MIPOL1: variants seen among roughly 807,000 people sequenced by gnomAD.
MIPOL1 encodes the protein mirror-image polydactyly gene 1 protein.
MIPOL1 carries 57 observed loss-of-function variants against 60.9 expected under a neutral mutation model. The observed-to-expected ratio is 0.94, with a 90% CI of 0.76 to 1.17. The LOEUF (loss-of-function observed/expected upper bound fraction) is 1.17. Among genes scored for constraint, MIPOL1 ranks in the 50% most tolerant of loss-of-function variants. MIPOL1 has a pLI of 0.00. For synonymous variants in MIPOL1, 179 were observed against 168.8 expected (o/e 1.06, Z -0.47); for missense variants, 551 against 511.6 (o/e 1.08, Z -0.74).
intron 7 of MIPOL1, among the ~76,000 whole-genome samples, chr14:37,304,942 A>T (rs1448422023): frequency 6.6e-6 from 1 of 151,830 alleles, no homozygotes; most frequent in Non-Finnish European, 1.5e-5. Flanking sequence ...TATTAATGAG[A>T]TATAATTTAT....
rs113517021 is a variant in MIPOL1 at position 37,349,207 on chromosome 14, C to T, written c.829-20310C>T. Reference sequence around the variant, plus strand: ...TTTGCCATGTTGGCTAGGCTGGTCTCGTACTCCTGACCTCAGGTGATCCAC... The same window carrying T: ...TTTGCCATGTTGGCTAGGCTGGTCTTGTACTCCTGACCTCAGGTGATCCAC... On this transcript the variant is annotated intron_variant, in intron 9 of 12. Transcript: ENST00000684589. Among the ~76,000 whole-genome samples, 1,496 of 152,016 alleles carry T rather than the reference C, an allele frequency of 9.8e-3. 9 individuals are homozygous for T. Among genetic ancestry groups the T allele is most frequent in the Middle Eastern group, 0.031 (9 of 294 alleles).
intron 3 of MIPOL1, among the ~76,000 whole-genome samples, chr14:37,261,151 C>T (rs1394623847): frequency 6.6e-6 from 1 of 151,782 alleles, no homozygotes; most frequent in African/African-American, 2.4e-5. Context: ...TAAGTATTTT[C>T]TCTTTGTGTT....
chr14:37,515,432 T>G (rs1326928265), intron 12 of MIPOL1, among the ~76,000 whole-genome samples: 1 of 152,188 alleles, frequency 6.6e-6, no homozygotes, highest in African/African-American at 2.4e-5. Flanking sequence ...ATTTTAATTT[T>G]TTTAGTTGCT....
chr14:37,551,276 ATTC>A (rs2095561148), downstream of MIPOL1: 2 of 152,124 alleles, frequency 1.3e-5, no homozygotes, highest in Admixed American at 6.6e-5. Flanking sequence ...TTTCAATGCA[ATTC>A]TTATACATCG....
chr14:37,344,647 A>C (rs2090814218), intron 9 of MIPOL1, among the ~76,000 whole-genome samples: 1 of 152,166 alleles, frequency 6.6e-6, no homozygotes, highest in African/African-American at 2.4e-5. Flanking sequence ...TCTAAAGATA[A>C]CATTCCTGTT....
chr14:37,523,458 G>T (rs2095427029), intron 12 of MIPOL1: 5 of 353,490 alleles, frequency 1.4e-5, no homozygotes, highest in Non-Finnish European at 2.6e-5. Flanking sequence ...AAATATTAGA[G>T]TTTTTTTTTT....
At chr14:37,331,200 TTGCTTTGACTACTCTTGGAATC>T (rs972341209) in intron 9 of MIPOL1, among the ~76,000 whole-genome samples, 1 of 152,064 alleles carries the variant, frequency 6.6e-6, no homozygotes, top group East Asian at 1.9e-4. Flanking sequence ...TTTTTCAAGA[TTGCTTTGACTACTCTTGGAATC>T]TGCTTTGACT....
intron 12 of MIPOL1, among the ~76,000 whole-genome samples, chr14:37,525,792 T>C (rs1042516248): frequency 2.6e-5 from 4 of 152,180 alleles, no homozygotes; most frequent in Admixed American, 2.6e-4. Flanking sequence ...AACTTTGAAA[T>C]TGTACATTAA....
intron 10 of MIPOL1, among the ~76,000 whole-genome samples, chr14:37,421,642 A>AGG (rs2093874856): frequency 1.3e-5 from 2 of 152,246 alleles, no homozygotes; most frequent in African/African-American, 4.8e-5. Flanking sequence ...TTTAACTATA[A>AGG]AGTAACACTT....
intron 10 of MIPOL1, among the ~76,000 whole-genome samples, chr14:37,404,698 A>C (rs1420068897): frequency 6.6e-6 from 1 of 152,168 alleles, no homozygotes; most frequent in Non-Finnish European, 1.5e-5. Flanking sequence ...TGAAACTGTC[A>C]AAGTTACAGA....
intron 10 of MIPOL1, among the ~76,000 whole-genome samples, chr14:37,395,856 A>G (rs770974767): frequency 6.6e-6 from 1 of 152,132 alleles, no homozygotes; most frequent in African/African-American, 2.4e-5. Context: ...TTTGGTGTTC[A>G]TTAGCATGAA....
At chr14:37,475,070 T>C (rs748940342) in intron 11 of MIPOL1, among the ~76,000 whole-genome samples, 4 of 152,046 alleles carry the variant, frequency 2.6e-5, no homozygotes, top group Non-Finnish European at 5.9e-5. Context: ...GTTCAAGCGA[T>C]ACGCCTGCCT....
At chr14:37,508,334 C>T (rs1433882908) in intron 12 of MIPOL1, among the ~76,000 whole-genome samples, 1 of 152,146 alleles carries the variant, frequency 6.6e-6, no homozygotes, top group East Asian at 1.9e-4. Flanking sequence ...TATTCACCAT[C>T]TCTAATTTTT....
intron 12 of MIPOL1, among the ~76,000 whole-genome samples, chr14:37,525,488 T>C (rs1594876514): frequency 6.6e-6 from 1 of 152,312 alleles, no homozygotes; most frequent in East Asian, 1.9e-4. Context: ...GATTTTAAAA[T>C]ATTGAATTTG....
At position 37,551,117 on chromosome 14, in the gene MIPOL1, T is replaced by A. The variant is rs1332241067; in HGVS notation, c.*4146T>A. 3 of 152,148 alleles carry A rather than the reference T, an allele frequency of 2.0e-5. No homozygotes were observed. The highest frequency in any genetic ancestry group is 4.4e-5 in the Non-Finnish European group (3 of 68,002). The allele number at this position is 152,148 out of a possible 1,614,324, so 9.4% of individuals were successfully genotyped here. On this transcript the variant is annotated 3_prime_UTR_variant, in exon 13 of 13. Coordinates refer to ENST00000684589, the MANE Select transcript of MIPOL1 (RefSeq NM_001388067.1). ...TAATCTAATTGTCTTCTAAATATAG[T>A]TTTGGTGTATGCTGGTATTTTAGAA...
intron 3 of MIPOL1, among the ~76,000 whole-genome samples, chr14:37,249,587 A>G (rs1973758857): frequency 6.6e-6 from 1 of 152,158 alleles, no homozygotes; most frequent in South Asian, 2.1e-4. Flanking sequence ...TATATAAAAC[A>G]ATCATATATA....
intron 10 of MIPOL1, among the ~76,000 whole-genome samples, chr14:37,408,464 A>T (rs1213147970): frequency 2.0e-5 from 3 of 151,868 alleles, no homozygotes; most frequent in African/African-American, 7.3e-5. Flanking sequence ...ACCCCATCTC[A>T]ACAAAAATTA....
intron 10 of MIPOL1, among the ~76,000 whole-genome samples, chr14:37,412,729 T>G (rs956203597): frequency 6.6e-6 from 1 of 152,160 alleles, no homozygotes; most frequent in Non-Finnish European, 1.5e-5. Context: ...TCTAGTTTCC[T>G]GTTAAACAGG....
chr14:37,501,937 G>A (rs1177136302), intron 12 of MIPOL1: 1 of 152,320 alleles, frequency 6.6e-6, no homozygotes, highest in Non-Finnish European at 1.5e-5. Context: ...TGCAGACCAG[G>A]AGATTCTCTC....
Sources: gnomAD v4.1 joint callset for allele counts (sites outside exome capture counted in the v4.1 genomes callset) on GRCh38, gnomAD v4.1.1 for gene constraint, MANE v1.5 for transcripts, NCBI Gene and HGNC (gene_info 2026-07-23, HGNC 2026-07-21) for gene names.